The following CPA6 variants were observed in gnomAD, a reference collection of about 807,000 sequenced individuals.
The protein encoded by CPA6 is carboxypeptidase A6.
A neutral mutation model predicts 63.3 loss-of-function variants in CPA6; 58 were observed. The observed-to-expected ratio is 0.92, with a 90% CI of 0.74 to 1.14. The LOEUF is 1.14. Among genes scored for constraint, CPA6 ranks in the 50% most tolerant of loss-of-function variants. The pLI is 0.00. For missense variants in CPA6, 565 were observed against 526.6 expected (o/e 1.07, Z -0.71); for synonymous variants, 185 against 179.0 (o/e 1.03, Z -0.27).
chr8:67,618,994 C>T (rs1023617598), intron 2 of CPA6, among the ~76,000 whole-genome samples: 21 of 152,070 alleles, frequency 1.4e-4, no homozygotes, highest in African/African-American at 3.9e-4. Context: ...TTAATTCTTC[C>T]GCAAAACCAT....
At chr8:67,492,156 T>C (rs1008425675) in intron 6 of CPA6, among the ~76,000 whole-genome samples, 3 of 152,194 alleles carry the variant, frequency 2.0e-5, no homozygotes, top group African/African-American at 4.8e-5. Flanking sequence ...ACTAGGAATG[T>C]TGACACTGCA....
intron 1 of CPA6, among the ~76,000 whole-genome samples, chr8:67,624,495 T>C (rs1036244803): frequency 2.0e-5 from 3 of 152,088 alleles, no homozygotes; most frequent in Admixed American, 6.6e-5. Flanking sequence ...ATGTTATAAA[T>C]GCAGAAAAAG....
chr8:67,600,258 G>A (rs775486781), intron 2 of CPA6, among the ~76,000 whole-genome samples: 12 of 147,170 alleles, frequency 8.2e-5, no homozygotes, highest in Non-Finnish European at 1.6e-4. Flanking sequence ...AATAAGCCAG[G>A]CACAAAAAGA....
intron 1 of CPA6, among the ~76,000 whole-genome samples, chr8:67,645,929 G>T (rs1426394592): frequency 2.0e-5 from 3 of 152,130 alleles, no homozygotes; most frequent in Non-Finnish European, 1.5e-5. Context: ...TACCCAGTGT[G>T]ATGCCTACCT....
chr8:67,497,238 C>T (rs185296757), intron 6 of CPA6, among the ~76,000 whole-genome samples: 2 of 152,114 alleles, frequency 1.3e-5, no homozygotes, highest in African/African-American at 2.4e-5. Flanking sequence ...CAAAAAGAAC[C>T]TGGTAGTTGT....
At chr8:67,568,312 G>T (rs1813394230) in intron 2 of CPA6, among the ~76,000 whole-genome samples, 1 of 152,112 alleles carries the variant, frequency 6.6e-6, no homozygotes, top group South Asian at 2.1e-4. Context: ...TCCAGCAATG[G>T]ACCCTAGAGA....
chr8:67,669,795 C>CAA (rs11294793), intron 1 of CPA6, among the ~76,000 whole-genome samples: 1 of 139,870 alleles, frequency 7.1e-6, no homozygotes, highest in East Asian at 2.1e-4. Flanking sequence ...TATCTAAAGA[C>CAA]AAAAAAAAAA....
At chr8:67,497,817 G>A (rs909845737) in intron 6 of CPA6, among the ~76,000 whole-genome samples, 9 of 151,724 alleles carry the variant, frequency 5.9e-5, no homozygotes, top group East Asian at 1.9e-4. Context: ...TCAGCCTCCC[G>A]AATAGCTGGG....
intron 1 of CPA6, among the ~76,000 whole-genome samples, chr8:67,670,806 G>A (rs1350765455): frequency 1.3e-5 from 2 of 152,110 alleles, no homozygotes; most frequent in Admixed American, 1.3e-4. Context: ...TTTGCGGGCT[G>A]GAAGGTAATC....
At chr8:67,591,096 C>A (rs1814109312) in intron 2 of CPA6, among the ~76,000 whole-genome samples, 1 of 151,438 alleles carries the variant, frequency 6.6e-6, no homozygotes, top group Non-Finnish European at 1.5e-5. Context: ...TTTCAGCTTT[C>A]TACATATGGC....
intron 2 of CPA6, among the ~76,000 whole-genome samples, chr8:67,599,357 T>C (rs999384064): frequency 4.6e-5 from 7 of 152,214 alleles, no homozygotes; most frequent in Admixed American, 1.3e-4. Context: ...GACAACCATG[T>C]AAAAAGCCTG....
intron 2 of CPA6, among the ~76,000 whole-genome samples, chr8:67,571,632 A>G (rs1466663904): frequency 2.6e-5 from 4 of 152,220 alleles, no homozygotes; most frequent in African/African-American, 9.6e-5. Context: ...ATTAAAAAAT[A>G]TCTTGAGACC....
chr8:67,623,630 T>C (rs1815131838), intron 2 of CPA6, among the ~76,000 whole-genome samples: 1 of 152,050 alleles, frequency 6.6e-6, no homozygotes, highest in Non-Finnish European at 1.5e-5. Context: ...GATGGGGTTT[T>C]ACCATGTTGC....
chr8:67,714,902 A>G (rs1817346207), intron 1 of CPA6, among the ~76,000 whole-genome samples: 1 of 152,174 alleles, frequency 6.6e-6, no homozygotes, highest in African/African-American at 2.4e-5. Context: ...GAATTTAAAA[A>G]TATATACATT....
intron 2 of CPA6, among the ~76,000 whole-genome samples, chr8:67,610,784 T>C (rs1814786232): frequency 6.6e-6 from 1 of 152,150 alleles, no homozygotes; most frequent in South Asian, 2.1e-4. Context: ...TTTTTGAGCT[T>C]GATAAAGATT....
intron 1 of CPA6, among the ~76,000 whole-genome samples, chr8:67,731,646 T>C (rs925024242): frequency 6.6e-6 from 1 of 152,226 alleles, no homozygotes; most frequent in Admixed American, 6.5e-5. Context: ...GAAGCCTGAC[T>C]GTACTCTCCA....
At chr8:67,468,901 T>A (rs1810992300) in intron 8 of CPA6, among the ~76,000 whole-genome samples, 1 of 152,174 alleles carries the variant, frequency 6.6e-6, no homozygotes. Context: ...TGCCACATAT[T>A]TTCTTCAGGT....
intron 8 of CPA6, among the ~76,000 whole-genome samples, chr8:67,437,907 C>T (rs1339952717): frequency 7.4e-6 from 1 of 135,354 alleles, no homozygotes; most frequent in Non-Finnish European, 1.5e-5. Context: ...AATTTCTCCA[C>T]AATTCTTTTT....
intron 6 of CPA6, among the ~76,000 whole-genome samples, chr8:67,496,573 T>A (rs1209293472): frequency 7.0e-6 from 1 of 143,284 alleles, no homozygotes; most frequent in East Asian, 2.0e-4. Flanking sequence ...TTTATTTTTT[T>A]TTTTTGAGAT....
Sources: allele counts gnomAD v4.1 joint callset (sites outside exome capture counted in the v4.1 genomes callset), GRCh38; gene constraint gnomAD v4.1.1; transcripts MANE v1.5; gene names NCBI Gene and HGNC (gene_info 2026-07-23, HGNC 2026-07-21).